NTRK3: variants seen among roughly 807,000 people sequenced by gnomAD.
The protein encoded by NTRK3 is NT-3 growth factor receptor.
A neutral mutation model predicts 91.7 loss-of-function variants in NTRK3; 24 were observed. The observed-to-expected ratio is 0.26, with a 90% CI of 0.19 to 0.37. NTRK3 has a LOEUF of 0.37. Ranked by LOEUF, NTRK3 falls within the 10% of genes least tolerant of loss-of-function variation. NTRK3 has a pLI of 1.00. For synonymous variants in NTRK3, 483 were observed against 404.0 expected (o/e 1.20, Z -2.34); for missense variants, 880 against 1,068.9 (o/e 0.82, Z 2.46).
chr15:88,059,292 A>C (rs2045996287), intron 13 of NTRK3, among the ~76,000 whole-genome samples: 1 of 152,218 alleles, frequency 6.6e-6, no homozygotes, highest in Non-Finnish European at 1.5e-5. Context: ...TCTGTAATTC[A>C]GATAGATCAG....
chr15:88,171,847 T>C (rs1428226504), intron 5 of NTRK3, among the ~76,000 whole-genome samples: 1 of 152,268 alleles, frequency 6.6e-6, no homozygotes, highest in African/African-American at 2.4e-5. Context: ...CCATTTGTTC[T>C]CCAAATACAA....
intron 3 of NTRK3, among the ~76,000 whole-genome samples, chr15:88,223,132 A>G (rs2050379804): frequency 6.6e-6 from 1 of 152,280 alleles, no homozygotes; most frequent in Non-Finnish European, 1.5e-5. Flanking sequence ...GGGATTGGGC[A>G]GAAGGCAGAT....
intron 13 of NTRK3, among the ~76,000 whole-genome samples, chr15:88,036,771 C>T (rs144668840): frequency 0.011 from 1,693 of 152,292 alleles, 18 homozygotes; most frequent in Non-Finnish European, 0.014. Flanking sequence ...CAGGAAGACA[C>T]AAAGACCACA....
In NTRK3 at chr15:87,933,197, C is replaced by T. The variant is rs1281298374; in HGVS notation, c.1717-13G>A. 1.9e-6 allele frequency: 3 copies of T among 1,614,018 alleles called. No individual in the cohort carries two copies. Among genetic ancestry groups the T allele is most frequent in the East Asian group, 2.2e-5 (1 of 44,866 alleles). On this transcript the variant is annotated splice_polypyrimidine_tract_variant and intron_variant, in intron 15 of 18. Coordinates refer to ENST00000394480, the Ensembl canonical transcript of NTRK3. Reference sequence around the variant, plus strand: ...GATCCTTCAGGGCCTAGGAACAATGCAGGACACAGGTGTTTAACAACTACA... The same window carrying T: ...GATCCTTCAGGGCCTAGGAACAATGTAGGACACAGGTGTTTAACAACTACA...
intron 17 of NTRK3, among the ~76,000 whole-genome samples, chr15:87,896,475 A>G (rs78986543): frequency 9.1e-6 from 1 of 110,178 alleles, no homozygotes; most frequent in Non-Finnish European, 2.1e-5. Flanking sequence ...GTCTCAAAGA[A>G]AAAAAAAAAA....
intron 3 of NTRK3, among the ~76,000 whole-genome samples, chr15:88,230,585 T>C (rs2051096131): frequency 6.6e-6 from 1 of 152,206 alleles, no homozygotes; most frequent in South Asian, 2.1e-4. Context: ...ATCATTTTAA[T>C]TTTTCTCATT....
chr15:88,055,722 G>C (rs952397866), intron 13 of NTRK3, among the ~76,000 whole-genome samples: 1 of 152,120 alleles, frequency 6.6e-6, no homozygotes, highest in Admixed American at 6.6e-5. Context: ...GATTTCCAGT[G>C]TATTCACCCA....
chr15:88,128,591 T>G, intron 11 of NTRK3, 120 bp downstream of exon 11: 1 of 1,032,192 alleles, frequency 9.7e-7, no homozygotes, highest in Non-Finnish European at 1.5e-6. Context: ...TTCACTCAGA[T>G]GCCCTCAGCT....
intron 13 of NTRK3, among the ~76,000 whole-genome samples, chr15:88,099,783 T>C (rs1597310264): frequency 6.6e-6 from 1 of 152,250 alleles, no homozygotes; most frequent in East Asian, 1.9e-4. Flanking sequence ...TACTAAGTGC[T>C]CACATGAACA....
At chr15:87,985,698 A>C (rs1419257495) in intron 14 of NTRK3, among the ~76,000 whole-genome samples, 1 of 152,178 alleles carries the variant, frequency 6.6e-6, no homozygotes, top group African/African-American at 2.4e-5. Flanking sequence ...AATTTAGCTC[A>C]TGGCGTCATG....
intron 3 of NTRK3, among the ~76,000 whole-genome samples, chr15:88,230,147 C>G (rs1567685582): frequency 1.3e-5 from 2 of 152,196 alleles, no homozygotes; most frequent in Non-Finnish European, 2.9e-5. Context: ...ATCATAACAC[C>G]TACCTTGTTC....
chr15:88,140,103 A>C (rs1232491156), intron 6 of NTRK3, among the ~76,000 whole-genome samples: 1 of 152,210 alleles, frequency 6.6e-6, no homozygotes, highest in African/African-American at 2.4e-5. Context: ...TTTTACTGCC[A>C]CATCAGGAAA....
At chr15:87,956,087 A>G (rs1037472338) in intron 14 of NTRK3, among the ~76,000 whole-genome samples, 1 of 152,122 alleles carries the variant, frequency 6.6e-6, no homozygotes, top group Non-Finnish European at 1.5e-5. Flanking sequence ...GTCAGGATAG[A>G]CTACCTACTC....
chr15:88,097,866 G>C (rs1413656593), intron 13 of NTRK3, among the ~76,000 whole-genome samples: 1 of 152,214 alleles, frequency 6.6e-6, no homozygotes, highest in Admixed American at 6.5e-5. Context: ...TTTATTTTGG[G>C]GTGCTAGCAC....
chr15:87,925,751 T>C (rs573155379), intron 17 of NTRK3: 1 of 178,836 alleles, frequency 5.6e-6, no homozygotes, highest in Admixed American at 6.3e-5. Context: ...GTTGAAACCT[T>C]AAGAAAGACA....
chr15:88,067,461 C>G (rs774374750), intron 13 of NTRK3, among the ~76,000 whole-genome samples: 4 of 151,876 alleles, frequency 2.6e-5, no homozygotes, highest in African/African-American at 4.8e-5. Context: ...TTTTTTTAAC[C>G]CTCAAACTGG....
chr15:87,866,720 G>A (rs2064690864), exon 19 of NTRK3: 1 of 190,646 alleles, frequency 5.2e-6, no homozygotes. Context: ...TTCTAGAAAG[G>A]AAGCATATTA....
At position 87,940,770 on chromosome 15, in the gene NTRK3, A is replaced by G; in HGVS notation, c.1586-17T>C. 1 of 1,614,132 alleles carries G rather than the reference A, an allele frequency of 6.2e-7. No homozygotes were observed. Among genetic ancestry groups the G allele is most frequent in the Non-Finnish European group, 8.5e-7 (1 of 1,180,014 alleles). ...GCTGCACATCTGTAGGATGGGGACA[A>G]AGAGGAGGGCAGCAAATCAGTCCTC... On this transcript the variant is annotated splice_polypyrimidine_tract_variant and intron_variant, in intron 14 of 18. Coordinates refer to ENST00000394480, the Ensembl canonical transcript of NTRK3.
chr15:87,998,189 C>T (rs958419723), intron 14 of NTRK3, among the ~76,000 whole-genome samples: 11 of 152,174 alleles, frequency 7.2e-5, no homozygotes, highest in Admixed American at 2.0e-4. Flanking sequence ...TCAAAAATCC[C>T]CTAGGGACAG....
Sources: gnomAD v4.1 joint callset for allele counts (sites outside exome capture counted in the v4.1 genomes callset) on GRCh38, gnomAD v4.1.1 for gene constraint, MANE v1.5 for transcripts, NCBI Gene and HGNC (gene_info 2026-07-23, HGNC 2026-07-21) for gene names.